The following NBPF11 variants were observed in gnomAD, a reference collection of about 807,000 sequenced individuals.
NBPF11 encodes the protein NBPF family member NBPF11.
A neutral mutation model predicts 93.9 loss-of-function variants in NBPF11; 72 were observed. That is an observed-to-expected ratio of 0.77 (90% confidence interval 0.63 to 0.93). The LOEUF (loss-of-function observed/expected upper bound fraction) is 0.93. Among genes scored for constraint, NBPF11 ranks in the 40% least tolerant of loss-of-function variants. NBPF11 has a pLI of 0.00. For synonymous variants in NBPF11, 224 were observed against 304.9 expected, an observed-to-expected ratio of 0.73 and a Z score of 2.76; for missense variants, 705 against 802.2, an observed-to-expected ratio of 0.88 and a Z score of 1.46.
Position 148,103,843 on chromosome 1 carries a change from C to G in NBPF11, c.*53G>C. ...GTAGTTCAAAGTACATTGATGGAGT[C>G]GAATAATATCTATCCAGTGAGTCCT... On this transcript the variant is annotated 3_prime_UTR_variant, in exon 24 of 24. Transcript: ENST00000682118. The G allele has an allele frequency of 1.2e-6, 2 of 1,611,306 alleles. No individual in the cohort carries two copies. The highest frequency in any genetic ancestry group is 1.7e-5 in the Admixed American group (1 of 59,988).
rs1427425126 is a variant in NBPF11 at position 148,103,930 on chromosome 1, A to G, written c.2582-18T>C. 151 of 1,610,628 alleles carry G rather than the reference A, an allele frequency of 9.4e-5. No individual in the cohort carries two copies. The highest frequency in any genetic ancestry group is 1.2e-4 in the Non-Finnish European group (144 of 1,178,860). Reference sequence around the variant, plus strand: ...TGCTGAGCCTGGAAAAGGAGACAAAACTAAAGAAGCAGCCAGGGAAAATCA... The same window carrying G: ...TGCTGAGCCTGGAAAAGGAGACAAAGCTAAAGAAGCAGCCAGGGAAAATCA... On this transcript the variant is annotated intron_variant, in intron 23 of 23. Transcript: ENST00000682118.
At chr1:148,138,381 C>T (rs1470127378) in intron 2 of NBPF11, among the ~76,000 whole-genome samples, 1 of 151,324 alleles carries the variant, frequency 6.6e-6, no homozygotes, top group Admixed American at 6.6e-5. Context: ...CAGCACAGAC[C>T]CTTTACGGGT....
At position 148,111,365 on chromosome 1, in the gene NBPF11, C is replaced by T. The variant is rs1399994154; in HGVS notation, c.1638-824G>A. 1.0e-2 allele frequency among the ~76,000 whole-genome samples: 1,514 copies of T among 152,086 alleles called. 47 individuals are homozygous for T. Among genetic ancestry groups the T allele is most frequent in the African/African-American group, 0.035 (1,431 of 41,366 alleles). ...CTTCTCCTCCAAAGGATCGCAGCTC[C>T]TCGCCAGCAATGGAACAAAGCAGGA... On this transcript the variant is annotated intron_variant, in intron 15 of 23. Transcript: ENST00000682118.
intron 4 of NBPF11, among the ~76,000 whole-genome samples, chr1:148,129,312 T>TTA (rs1305286762): frequency 2.1e-5 from 3 of 144,292 alleles, no homozygotes; most frequent in East Asian, 4.0e-4. Context: ...TATATATATA[T>TTA]TATATATATA....
chr1:148,104,236 C>G lies in NBPF11; in HGVS notation c.2581+301G>C, dbSNP rs1662990973. Among the ~76,000 whole-genome samples the G allele has an allele frequency of 3.4e-5, 5 of 144,960 alleles. No individual in the cohort carries two copies. In the South Asian group the frequency reaches 1.1e-3, roughly 32 times the overall value. ...GACTTAGTGCCCTCATGACACACAG[C>G]AAACTGTGATCATGAAAAGAGTGAG... On this transcript the variant is annotated intron_variant, in intron 23 of 23. Coordinates refer to ENST00000682118, the MANE Select transcript of NBPF11 (RefSeq NM_001385469.3).
chr1:148,131,469 G>A (rs1670326768), intron 4 of NBPF11, among the ~76,000 whole-genome samples: 1 of 151,648 alleles, frequency 6.6e-6, no homozygotes, highest in Non-Finnish European at 1.5e-5. Flanking sequence ...TGAGGTTCCA[G>A]AGGAAGGTCT....
intron 1 of NBPF11, among the ~76,000 whole-genome samples, chr1:148,148,729 T>TC (rs1647392053): frequency 1.3e-5 from 2 of 151,870 alleles, no homozygotes; most frequent in Non-Finnish European, 2.9e-5. Context: ...AGGAAGAGTG[T>TC]CCGCTGTCCT....
intron 2 of NBPF11, among the ~76,000 whole-genome samples, chr1:148,141,516 T>A (rs1247322123): frequency 6.6e-6 from 1 of 151,952 alleles, no homozygotes; most frequent in Non-Finnish European, 1.5e-5. Flanking sequence ...CATACCAAGG[T>A]TTTGGTGGCA....
Position 148,120,552 on chromosome 1 carries a change from A to T in NBPF11, c.937T>A (p.Cys313Ser), listed in dbSNP as rs1367831642. The stretch of plus-strand genomic sequence containing the variant: ...AAGCAGGCCACTTGAGTTACAAAAC[A>T]TTTCTCTTTGAGGCTTCTGAACTGC... ...KQQFRSLKEK[C>S]FVTQVACFLA... Residue 313 changes from cysteine (C) to serine (S), a missense_variant, in exon 10 of 24, where the codon TGT becomes AGT. This residue lies in a region of NBPF11 where 262 missense variants were observed against 223.1 expected (regional missense o/e 1.17). Coordinates refer to ENST00000682118, the MANE Select transcript of NBPF11 (RefSeq NM_001385469.3). The T allele has an allele frequency of 1.8e-6, 2 of 1,135,210 alleles. No individual in the cohort carries two copies. The highest frequency in any genetic ancestry group is 1.7e-5 in the Admixed American group (1 of 59,432). 70.3% of individuals were successfully genotyped at this position (1,135,210 alleles called of 1,614,324 possible).
rs1668132311 is a variant in NBPF11 at position 148,122,634 on chromosome 1, G to A, written c.566+95C>T. 7 of 1,551,170 alleles carry A rather than the reference G, an allele frequency of 4.5e-6. 1 individual carries two copies. The highest frequency in any genetic ancestry group is 3.3e-5 in the South Asian group (3 of 89,652). On this transcript the variant is annotated intron_variant, in intron 8 of 23. Transcript: ENST00000682118. ...CACATACTGTGGCCAAGGGAATGCGGGCTTTTGGCCCATCATAGATGCCAG... is the reference window on the plus strand; with the variant it reads ...CACATACTGTGGCCAAGGGAATGCGAGCTTTTGGCCCATCATAGATGCCAG...
rs1226596737 is a variant in NBPF11 at position 148,146,517 on chromosome 1, C to G, written c.-548-2831G>C. 2.1e-5 allele frequency: 33 copies of G among 1,603,270 alleles called. No homozygotes were observed. The Admixed American group carries it at 5.3e-4, about 26-fold the overall frequency. ...CCACCTACTCCCTGGTGCCTGAGCC[C>G]GAGCTGGGGCCTGGTGGGGCCGGGG... On this transcript the variant is annotated intron_variant, in intron 1 of 23. Transcript: ENST00000682118.
At chr1:148,120,462 C>G (rs28545790) in intron 10 of NBPF11, 39 bp downstream of exon 10, 2 of 871,896 alleles carry the variant, frequency 2.3e-6, no homozygotes, top group Non-Finnish European at 4.0e-6. Flanking sequence ...GACAGGACTT[C>G]GTTCATCACT....
At chr1:148,134,402 A>T (rs1670932751) in intron 4 of NBPF11, among the ~76,000 whole-genome samples, 1 of 149,160 alleles carries the variant, frequency 6.7e-6, no homozygotes, top group Non-Finnish European at 1.5e-5. Context: ...GCTAAACCTA[A>T]CTAGAAGTGT....
At chr1:148,110,223 C>G (rs1289533251) in intron 16 of NBPF11, among the ~76,000 whole-genome samples, 155 bp downstream of exon 16, 1 of 151,780 alleles carries the variant, frequency 6.6e-6, no homozygotes, top group Non-Finnish European at 1.5e-5. Context: ...GTGCTTCAGA[C>G]TCGACTCCAG....
intron 4 of NBPF11, among the ~76,000 whole-genome samples, chr1:148,129,234 C>T (rs1259744019): frequency 1.4e-5 from 2 of 143,044 alleles, no homozygotes; most frequent in African/African-American, 2.6e-5. Flanking sequence ...ATTATATATA[C>T]GTGTATATAC....
intron 1 of NBPF11, chr1:148,146,995 C>T: frequency 2.8e-6 from 4 of 1,423,428 alleles, no homozygotes; most frequent in South Asian, 1.3e-5. Context: ...GGGGGGCGGG[C>T]TTCCCTGGGA....
In NBPF11 at chr1:148,115,906, G is replaced by A; in HGVS notation, c.1472C>T (p.Ser491Phe). ...TCSNSHGPYD[S>F]NQPHRKTKIT... ...TTTGGTTTTTCTATGTGGCTGGTTG[G>A]AGTCATAAGGGCCATGGCTATTTGA... The change falls in exon 14 of 24, where the codon TCC becomes TTC. Residue 491 changes from serine to phenylalanine, a missense_variant. Transcript: ENST00000682118. 6.3e-7 allele frequency: 1 copy of A among 1,582,856 alleles called. No homozygotes were observed. The highest frequency in any genetic ancestry group is 8.6e-7 in the Non-Finnish European group (1 of 1,162,562).
intron 2 of NBPF11, among the ~76,000 whole-genome samples, chr1:148,141,825 G>A (rs1295266846): frequency 4.4e-4 from 67 of 151,958 alleles, no homozygotes; most frequent in African/African-American, 1.5e-3. Flanking sequence ...GGACCTAAGG[G>A]CTACAGGATG....
At chr1:148,131,728 G>A (rs2149266011) in intron 4 of NBPF11, among the ~76,000 whole-genome samples, 1 of 65,488 alleles carries the variant, frequency 1.5e-5, no homozygotes, top group East Asian at 3.6e-4. Flanking sequence ...CCGCCCCTCA[G>A]GTTGGTCTGG....
Sources: gnomAD v4.1 joint callset for allele counts (sites outside exome capture counted in the v4.1 genomes callset) on GRCh38, gnomAD v4.1.1 for gene constraint, gnomAD v4.1.1 regional missense constraint, MANE v1.5 for transcripts, NCBI Gene and HGNC (gene_info 2026-07-23, HGNC 2026-07-21) for gene names.